WWP1: variants seen among roughly 807,000 people sequenced by gnomAD.
WWP1 encodes WW domain containing E3 ubiquitin protein ligase 1.
In WWP1, 49 loss-of-function variants were observed where a neutral mutation model predicts 130.6. The ratio of observed to expected loss-of-function variants is 0.38; its 90% CI spans 0.30 to 0.48. The LOEUF (loss-of-function observed/expected upper bound fraction) is 0.48, where lower values mean the gene tolerates loss of function less well. Ranked by LOEUF, WWP1 falls within the 20% of genes least tolerant of loss-of-function variation. The pLI, the probability that WWP1 is intolerant of heterozygous loss-of-function variation, is 0.99. For missense variants in WWP1, 809 were observed against 1,100.6 expected, an observed-to-expected ratio of 0.74 and a Z score of 3.75; for synonymous variants, 332 against 367.8, an observed-to-expected ratio of 0.90 and a Z score of 1.11.
chr8:86,424,640 C>T (rs1447337572), intron 9 of WWP1, among the ~76,000 whole-genome samples: 2 of 151,654 alleles, frequency 1.3e-5, no homozygotes, highest in East Asian at 3.9e-4. Context: ...CCGTCTCCAC[C>T]AAAAAAATAC....
At chr8:86,405,974 A>C (rs1486891497) in intron 8 of WWP1, among the ~76,000 whole-genome samples, 2 of 152,212 alleles carry the variant, frequency 1.3e-5, no homozygotes, top group African/African-American at 4.8e-5. Context: ...ATTATATATG[A>C]GGGCTTCCAC....
chr8:86,390,586 A>C (rs1185970338), intron 5 of WWP1, among the ~76,000 whole-genome samples: 4 of 152,128 alleles, frequency 2.6e-5, no homozygotes, highest in African/African-American at 9.7e-5. Context: ...CCCAGGCACT[A>C]GGCAGGCTGA....
rs764464478 is a variant in WWP1, at chr8:86,448,527, C to T, written c.2273+14C>T. 1.2e-6 allele frequency: 2 copies of T among 1,604,704 alleles called. No homozygotes were observed. ...TGAATATATTGGGTAAGGTGATATA[C>T]CTTATTAAGCTTAATTTCTAGAACA... On this transcript the variant is annotated intron_variant, in intron 20 of 24. Coordinates refer to ENST00000517970, the MANE Select transcript of WWP1 (RefSeq NM_007013.4).
chr8:86,459,671 A>T (rs1056412236), intron 22 of WWP1, among the ~76,000 whole-genome samples: 1 of 152,248 alleles, frequency 6.6e-6, no homozygotes. Context: ...TTTCAAGCCT[A>T]AAATATCTGA....
intron 21 of WWP1, 131 bp downstream of exon 21, chr8:86,452,810 A>T (rs1811245487): frequency 8.6e-7 from 1 of 1,158,608 alleles, no homozygotes; most frequent in Non-Finnish European, 1.2e-6. Context: ...ATTTGTCCTG[A>T]TGTCAAGGTG....
chr8:86,457,181 A>G (rs778342934), intron 21 of WWP1, among the ~76,000 whole-genome samples: 7 of 151,992 alleles, frequency 4.6e-5, no homozygotes, highest in African/African-American at 7.2e-5. Context: ...TAAGTATTAC[A>G]TATTTTACTA....
Position 86,374,016 on chromosome 8 carries a change from CT to C in WWP1, c.-21-8del. The C allele has an allele frequency of 1.3e-6, 2 of 1,575,740 alleles. No homozygotes were observed. The highest frequency in any genetic ancestry group is 2.4e-5 in the South Asian group (2 of 84,650). On this transcript the variant is annotated splice_polypyrimidine_tract_variant and intron_variant, in intron 2 of 24. Transcript: ENST00000517970. ...TTATCTAACACATGAATAAATTCCC[CT>C]TTTTTAAAATAGGTTTTAGCTGAAT...
chr8:86,451,409 T>G (rs28361918), intron 20 of WWP1, among the ~76,000 whole-genome samples: 29,915 of 151,766 alleles, frequency 0.2, 5,026 homozygotes, highest in African/African-American at 0.46. Flanking sequence ...TGGTTTACAA[T>G]TTGGTTGAAT....
intron 9 of WWP1, among the ~76,000 whole-genome samples, chr8:86,412,404 G>A (rs945703076): frequency 2.6e-5 from 4 of 152,138 alleles, no homozygotes; most frequent in Non-Finnish European, 5.9e-5. Flanking sequence ...TTTCTTTAAA[G>A]AGTATTCTAT....
At chr8:86,409,248 T>C (rs1418488663) in intron 8 of WWP1, among the ~76,000 whole-genome samples, 7 of 131,264 alleles carry the variant, frequency 5.3e-5, no homozygotes, top group Non-Finnish European at 8.5e-5. Flanking sequence ...TTTTTTTTTT[T>C]CTTCAGACGG....
At chr8:86,449,081 C>T (rs1440463975) in intron 20 of WWP1, among the ~76,000 whole-genome samples, 3 of 151,852 alleles carry the variant, frequency 2.0e-5, no homozygotes, top group Non-Finnish European at 4.4e-5. Flanking sequence ...CTCAAGTCAT[C>T]CTCCTTTCCT....
intron 3 of WWP1, among the ~76,000 whole-genome samples, chr8:86,374,711 A>G (rs1389226225): frequency 6.6e-6 from 1 of 152,098 alleles, no homozygotes; most frequent in Non-Finnish European, 1.5e-5. Flanking sequence ...TTATATTCAT[A>G]TCTTTTTTTT....
chr8:86,464,889 A>T (rs1269861675), intron 24 of WWP1, among the ~76,000 whole-genome samples: 3 of 151,102 alleles, frequency 2.0e-5, no homozygotes, highest in African/African-American at 7.3e-5. Flanking sequence ...AATAAAAGTG[A>T]TAGATCCATA....
At chr8:86,415,121 T>TA (rs1300450243) in intron 9 of WWP1, among the ~76,000 whole-genome samples, 1 of 152,168 alleles carries the variant, frequency 6.6e-6, no homozygotes, top group Non-Finnish European at 1.5e-5. Context: ...ATTTGAGTGT[T>TA]ATGCCAAGCA....
At chr8:86,427,546 A>T in intron 10 of WWP1, 97 bp from the exon 11 acceptor site, 1 of 1,270,330 alleles carries the variant, frequency 7.9e-7, no homozygotes, top group Admixed American at 2.5e-5. Flanking sequence ...TTATTTTAAC[A>T]TGTCTTGAAC....
intron 9 of WWP1, among the ~76,000 whole-genome samples, chr8:86,421,229 T>C (rs1809183434): frequency 6.6e-6 from 1 of 150,868 alleles, no homozygotes; most frequent in African/African-American, 2.4e-5. Flanking sequence ...CAGTGTAGGA[T>C]ATAATAGGCA....
chr8:86,368,855 C>G (rs946269215), intron 1 of WWP1, 84 bp from the exon 2 acceptor site: 41 of 152,126 alleles, frequency 2.7e-4, no homozygotes, highest in African/African-American at 9.4e-4. Context: ...TATCTACTTT[C>G]TCTTGTGTGC....
chr8:86,380,146 A>G (rs1020160242), intron 3 of WWP1, among the ~76,000 whole-genome samples: 1 of 152,214 alleles, frequency 6.6e-6, no homozygotes, highest in Non-Finnish European at 1.5e-5. Context: ...TCATATACCC[A>G]TATAATAGAA....
At chr8:86,383,319 A>G (rs1415933113) in intron 5 of WWP1, among the ~76,000 whole-genome samples, 1 of 152,194 alleles carries the variant, frequency 6.6e-6, no homozygotes, top group Non-Finnish European at 1.5e-5. Flanking sequence ...ATTGTTTTCA[A>G]TTCTGTTATG....
Sources: gnomAD v4.1 joint callset for allele counts (sites outside exome capture counted in the v4.1 genomes callset) on GRCh38, gnomAD v4.1.1 for gene constraint, MANE v1.5 for transcripts, NCBI Gene and HGNC (gene_info 2026-07-23, HGNC 2026-07-21) for gene names.